The following HDAC8 variants were observed in gnomAD, a reference collection of about 807,000 sequenced individuals.
The protein encoded by HDAC8 is histone deacetylase-like 1.
In HDAC8, 1 loss-of-function variant was observed where a neutral mutation model predicts 32.2. The observed-to-expected ratio is 0.03, with a 90% CI of 0.01 to 0.15. HDAC8 has a LOEUF of 0.15. Among genes scored for constraint, HDAC8 ranks in the 10% least tolerant of loss-of-function variants. HDAC8 has a pLI of 1.00. For missense variants in HDAC8, 117 were observed against 300.0 expected, an observed-to-expected ratio of 0.39 and a Z score of 4.51; for synonymous variants, 108 against 113.9, an observed-to-expected ratio of 0.95 and a Z score of 0.33.
chrX:72,421,906 G>T (rs1261220945), intron 9 of HDAC8, among the ~76,000 whole-genome samples: 2 of 112,047 alleles, frequency 1.8e-5, no homozygotes, highest in African/African-American at 6.5e-5. Flanking sequence ...ACTCAAGTTT[G>T]AAGTGCAGTT....
At chrX:72,550,923 C>G (rs1173812862) in intron 4 of HDAC8, among the ~76,000 whole-genome samples, 1 of 111,529 alleles carries the variant, frequency 9.0e-6, no homozygotes, top group Non-Finnish European at 1.9e-5. Context: ...CTCAAAGAAC[C>G]CACTCCTTTA....
Position 72,556,417 on chromosome X carries a change from T to C in HDAC8, c.437+11472A>G, listed in dbSNP as rs782295013. Among the ~76,000 whole-genome samples, 4 of 111,607 alleles carry C rather than the reference T, an allele frequency of 3.6e-5. No homozygotes were observed. The East Asian group carries it at 1.1e-3, about 31-fold the overall frequency. ...TAGTACCTCAATCTCAATACTAACATTGAACGTAGCCTAAATGCTCCACTT... is the reference window on the plus strand; with the variant it reads ...TAGTACCTCAATCTCAATACTAACACTGAACGTAGCCTAAATGCTCCACTT... On this transcript the variant is annotated intron_variant, in intron 4 of 10. Transcript: ENST00000373573.
At position 72,572,758 on chromosome X, in the gene HDAC8, C is replaced by G. The variant is rs1556167277; in HGVS notation, c.4G>C (p.Glu2Gln). 2 of 1,206,938 alleles carry G rather than the reference C, an allele frequency of 1.7e-6. No individual in the cohort carries two copies. Among genetic ancestry groups the G allele is most frequent in the Non-Finnish European group, 2.2e-6 (2 of 891,290 alleles). M[E>Q]EPEEPADSGQ... ...CTGTCCGCCGGTTCCTCCGGCTCCTCCATCTTCCGCTTAAAACCGTTCCGC... is the reference window on the plus strand; with the variant it reads ...CTGTCCGCCGGTTCCTCCGGCTCCTGCATCTTCCGCTTAAAACCGTTCCGC... The change falls in exon 1 of 11, where the codon GAG becomes CAG. Residue 2 changes from glutamate to glutamine, a missense_variant. Glu to Gln is a conservative substitution (Grantham distance 29). Around this residue, in one of 4 missense-constraint regions of HDAC8, gnomAD observed 37 missense variants for 53.1 expected, o/e 0.70. Coordinates refer to ENST00000373573, the MANE Select transcript of HDAC8 (RefSeq NM_018486.3).
chrX:72,450,293 C>G (rs1365689402), intron 9 of HDAC8, among the ~76,000 whole-genome samples: 1 of 112,012 alleles, frequency 8.9e-6, no homozygotes, highest in Admixed American at 9.5e-5. Context: ...AAGGGTAGCA[C>G]AAGGAAGGTC....
At chrX:72,552,111 G>T (rs1370917113) in intron 4 of HDAC8, among the ~76,000 whole-genome samples, 1 of 111,874 alleles carries the variant, frequency 8.9e-6, no homozygotes, top group East Asian at 2.8e-4. Context: ...ATACAATCAC[G>T]TTAGAGAAAA....
intron 4 of HDAC8, among the ~76,000 whole-genome samples, chrX:72,559,185 C>T (rs1192136351): frequency 1.9e-5 from 2 of 104,431 alleles, no homozygotes; most frequent in Non-Finnish European, 3.9e-5. Flanking sequence ...GATTCTCCTG[C>T]CTCAGCCTGC....
intron 6 of HDAC8, among the ~76,000 whole-genome samples, chrX:72,489,782 C>T (rs1556008164): frequency 9.0e-6 from 1 of 111,115 alleles, no homozygotes. Flanking sequence ...AGCTTCTGTA[C>T]AGCAAAAGAA....
intron 9 of HDAC8, among the ~76,000 whole-genome samples, chrX:72,370,188 A>G (rs1384838808): frequency 3.6e-5 from 4 of 112,277 alleles, no homozygotes; most frequent in Non-Finnish European, 7.5e-5. Context: ...CCACTTTTCC[A>G]TAAGGCCTGA....
In HDAC8 at chrX:72,572,720, C is replaced by T; in HGVS notation, c.42G>A (p.Leu14=). ...CGGGACTATAGATATAAACCGGGAC[C>T]AGCGACTGCCCACTGTCCGCCGGTT... The part of the protein sequence containing the change: ...PEEPADSGQS[L]VPVYIYSPEY... Residue 14 remains leucine (L), a synonymous_variant, in exon 1 of 11, where the codon CTG becomes CTA. Transcript: ENST00000373573. The T allele has an allele frequency of 8.3e-7, 1 of 1,210,110 alleles. No individual in the cohort carries two copies. Among genetic ancestry groups the T allele is most frequent in the African/African-American group, 1.7e-5 (1 of 57,393 alleles).
In HDAC8 at chrX:72,570,485, T is replaced by TGTAGTCCCAGCTACTCGG. The variant is rs1294595599; in HGVS notation, c.164+1554_164+1571dup. ...TAAAATGGGTGTGGTGACACGTGCCTGTAGTCCCAGCTACTCGGGAGGCTG... is the reference window on the plus strand; with the variant it reads ...TAAAATGGGTGTGGTGACACGTGCCTGTAGTCCCAGCTACTCGGGTAGTCCCAGCTACTCGGGAGGCTG... On this transcript the variant is annotated intron_variant, in intron 2 of 10. Transcript: ENST00000373573. 2.7e-5 allele frequency among the ~76,000 whole-genome samples: 3 copies of TGTAGTCCCAGCTACTCGG among 110,004 alleles called. No homozygotes were observed. In the Admixed American group the frequency reaches 2.9e-4, roughly 11 times the overall value.
At chrX:72,558,467 A>T (rs2051360540) in intron 4 of HDAC8, among the ~76,000 whole-genome samples, 2 of 112,384 alleles carry the variant, frequency 1.8e-5, no homozygotes, top group South Asian at 7.4e-4. Context: ...CCACATAAAC[A>T]GAATTAAAAA....
intron 9 of HDAC8, among the ~76,000 whole-genome samples, chrX:72,394,267 G>C (rs1340772807): frequency 1.8e-5 from 2 of 111,034 alleles, no homozygotes; most frequent in African/African-American, 6.6e-5. Flanking sequence ...GTCTTTGTGA[G>C]GTCGCTGACT....
intron 4 of HDAC8, among the ~76,000 whole-genome samples, chrX:72,531,709 G>A (rs1181365293): frequency 9.0e-6 from 1 of 111,620 alleles, no homozygotes; most frequent in East Asian, 2.8e-4. Flanking sequence ...TCATACAAAT[G>A]GAATATACAA....
chrX:72,506,359 A>G (rs2049391460), intron 4 of HDAC8, among the ~76,000 whole-genome samples: 1 of 111,869 alleles, frequency 8.9e-6, no homozygotes, highest in Non-Finnish European at 1.9e-5. Context: ...GGGCAGCTGC[A>G]TCTGGTAAGG....
rs868911035 is a variant in HDAC8, at chrX:72,547,811, G to A, written c.437+20078C>T. ...ATGAGAAAAATGCACATAAGGTAGC[G>A]CCTACTATATAGCTCAACATAGGTT... On this transcript the variant is annotated intron_variant, in intron 4 of 10. Transcript: ENST00000373573. Among the ~76,000 whole-genome samples the A allele has an allele frequency of 3.8e-4, 43 of 111,970 alleles. 1 individual carries two copies. Among genetic ancestry groups the A allele is most frequent in the African/African-American group, 1.2e-3 (37 of 30,807 alleles).
chrX:72,498,252 T>C (rs1411785584), intron 4 of HDAC8, among the ~76,000 whole-genome samples: 5 of 110,550 alleles, frequency 4.5e-5, no homozygotes, highest in African/African-American at 1.3e-4. Context: ...TATATTACTA[T>C]TGAGGAGTTG....
intron 4 of HDAC8, among the ~76,000 whole-genome samples, chrX:72,553,404 T>C (rs1318772949): frequency 8.9e-6 from 1 of 111,779 alleles, no homozygotes; most frequent in Admixed American, 9.5e-5. Context: ...TGCAGTATAC[T>C]ACCTAACCCA....
Position 72,426,759 on chromosome X carries a change from T to G in HDAC8, c.1005+35245A>C, listed in dbSNP as rs372633730. On this transcript the variant is annotated intron_variant, in intron 9 of 10. Transcript: ENST00000373573. ...ATGCATCCCATCTACTAGACTGAAC[T>G]GTGTTATCCCGGAATTCATATGTTG... Among the ~76,000 whole-genome samples the G allele has an allele frequency of 7.2e-4, 80 of 110,404 alleles. 4 individuals are homozygous for G. The East Asian group carries it at 0.014, about 19-fold the overall frequency.
chrX:72,535,325 A>G (rs1478072179), intron 4 of HDAC8, among the ~76,000 whole-genome samples: 1 of 111,968 alleles, frequency 8.9e-6, no homozygotes, highest in Non-Finnish European at 1.9e-5. Flanking sequence ...TACCAGAGAT[A>G]GAAATCATGA....
Sources: allele counts gnomAD v4.1 joint callset (sites outside exome capture counted in the v4.1 genomes callset), GRCh38; gene constraint gnomAD v4.1.1; regional missense constraint gnomAD v4.1.1; transcripts MANE v1.5; gene names NCBI Gene and HGNC (gene_info 2026-07-23, HGNC 2026-07-21).